Variants in RASA2 observed in about 807,000 individuals in gnomAD.
RASA2 encodes the protein RAS p21 protein activator 2.
A neutral mutation model predicts 118.2 loss-of-function variants in RASA2; 155 were observed. The observed-to-expected ratio is 1.31, with a 90% CI of 1.15 to 1.50. The LOEUF is 1.50. Ranked by LOEUF, RASA2 falls within the 40% of genes most tolerant of loss-of-function variation. The pLI, the probability that RASA2 is intolerant of heterozygous loss-of-function variation, is 0.00. For synonymous variants in RASA2, 353 were observed against 349.1 expected, an observed-to-expected ratio of 1.01 and a Z score of -0.12; for missense variants, 1,016 against 1,009.6, an observed-to-expected ratio of 1.01 and a Z score of -0.09.
intron 6 of RASA2, among the ~76,000 whole-genome samples, chr3:141,555,004 G>A (rs1301658373): frequency 2.6e-5 from 4 of 152,154 alleles, no homozygotes; most frequent in African/African-American, 9.7e-5. Context: ...GCTCACGCCT[G>A]TAATCCCAGC....
intron 19 of RASA2, among the ~76,000 whole-genome samples, chr3:141,589,205 A>G (rs774433075): frequency 6.6e-5 from 10 of 152,212 alleles, no homozygotes; most frequent in Non-Finnish European, 1.5e-4. Context: ...TGAATACTAT[A>G]TAAATGTTCT....
chr3:141,523,955 A>T (rs1258180319), intron 3 of RASA2, among the ~76,000 whole-genome samples: 2 of 152,228 alleles, frequency 1.3e-5, no homozygotes, highest in Non-Finnish European at 2.9e-5. Flanking sequence ...TTCTGCTGAC[A>T]TTTAGCTTTT....
chr3:141,502,422 T>C (rs1385592711), intron 1 of RASA2, among the ~76,000 whole-genome samples: 1 of 152,130 alleles, frequency 6.6e-6, no homozygotes, highest in Non-Finnish European at 1.5e-5. Flanking sequence ...GCATTTTAGG[T>C]TCTCTGTTTG....
chr3:141,546,541 T>C (rs1484958100), intron 5 of RASA2, among the ~76,000 whole-genome samples: 1 of 152,238 alleles, frequency 6.6e-6, no homozygotes, highest in Non-Finnish European at 1.5e-5. Context: ...CAGATTATTA[T>C]ATTCTTTTCC....
At chr3:141,549,480 TGTGC>T (rs900411271) in intron 5 of RASA2, among the ~76,000 whole-genome samples, 1 of 135,628 alleles carries the variant, frequency 7.4e-6, no homozygotes, top group African/African-American at 2.8e-5. Context: ...TGAGTGTGTG[TGTGC>T]GTGTGTGTGT....
intron 14 of RASA2, among the ~76,000 whole-genome samples, chr3:141,574,685 A>G (rs1425388510): frequency 6.6e-6 from 1 of 152,220 alleles, no homozygotes; most frequent in Non-Finnish European, 1.5e-5. Flanking sequence ...ATAAGTAAGC[A>G]CTTATACCAG....
intron 19 of RASA2, among the ~76,000 whole-genome samples, chr3:141,596,532 A>G (rs2083370601): frequency 1.3e-5 from 2 of 152,234 alleles, no homozygotes; most frequent in Admixed American, 1.3e-4. Context: ...GACCATTAAG[A>G]AAATGAAAAG....
At position 141,506,376 on chromosome 3, in the gene RASA2, C is replaced by T. The variant is rs138710859; in HGVS notation, c.134-5787C>T. ...TCTGCTTTTGCATATTGCAGGACTC[C>T]GCATGCACAGAATTTTTGAAATGAG... On this transcript the variant is annotated intron_variant, in intron 1 of 23. Coordinates refer to ENST00000286364, the MANE Select transcript of RASA2 (RefSeq NM_006506.5). 1.2e-4 allele frequency among the ~76,000 whole-genome samples: 19 copies of T among 152,270 alleles called. No homozygotes were observed. The South Asian group carries it at 1.5e-3, about 12-fold the overall frequency.
rs1384554972 is a variant in RASA2, at chr3:141,487,171, G to T, written c.88G>T (p.Asp30Tyr). The T allele has an allele frequency of 6.8e-7, 1 of 1,468,114 alleles. No homozygotes were observed. Among genetic ancestry groups the T allele is most frequent in the Admixed American group, 2.2e-5 (1 of 45,204 alleles). The allele number at this position is 1,468,114 out of a possible 1,614,324, so 90.9% of individuals were successfully genotyped here. A position where few individuals can be genotyped will look rare whatever the true frequency, so the allele number is the denominator to read the frequency against. Residue 30 changes from aspartate to tyrosine, a missense_variant, in exon 1 of 24, where the codon GAC becomes TAC. Physicochemically the swap from Asp to Tyr is radical, Grantham distance 160. Transcript: ENST00000286364. ...ATAEPEAGDQ[D>Y]SREVRVLQSL... ...TGCAGAGCCCGAGGCCGGGGACCAG[G>T]ACAGTCGCGAGGTTCGAGTGTTGCA...
intron 1 of RASA2, among the ~76,000 whole-genome samples, chr3:141,495,956 A>C (rs905767959): frequency 3.9e-5 from 6 of 152,264 alleles, no homozygotes; most frequent in Admixed American, 2.6e-4. Flanking sequence ...TAATATGTGT[A>C]GTATCCTGTG....
At chr3:141,597,698 A>T (rs1436096853) in intron 19 of RASA2, among the ~76,000 whole-genome samples, 2 of 152,212 alleles carry the variant, frequency 1.3e-5, no homozygotes, top group African/African-American at 4.8e-5. Flanking sequence ...AAAATGAGAA[A>T]ATAAACCTAA....
At chr3:141,610,332 A>G (rs2083619025) in intron 23 of RASA2, among the ~76,000 whole-genome samples, 2 of 137,942 alleles carry the variant, frequency 1.4e-5, no homozygotes, top group African/African-American at 5.3e-5. Flanking sequence ...GTATATAAAT[A>G]TATATTTTAT....
intron 1 of RASA2, among the ~76,000 whole-genome samples, chr3:141,491,593 A>G (rs569598498): frequency 6.6e-6 from 1 of 152,188 alleles, no homozygotes; most frequent in African/African-American, 2.4e-5. Context: ...TATAAATTAT[A>G]TACCTAAAAA....
chr3:141,586,623 G>A, intron 18 of RASA2, 23 bp from the exon 19 acceptor site: 1 of 1,499,720 alleles, frequency 6.7e-7, no homozygotes. Context: ...ATAGCTAAAT[G>A]TTTACATCTG....
At position 141,608,851 on chromosome 3, in the gene RASA2, C is replaced by G. The variant is rs75324787; in HGVS notation, c.2225+154C>G. On this transcript the variant is annotated intron_variant, in intron 21 of 23. Transcript: ENST00000286364. Reference sequence around the variant, plus strand: ...ATTATGCTAAGTGAAAGAAGTCAATCATAAAGGCCACGTATTATCTGATAA... The same window carrying G: ...ATTATGCTAAGTGAAAGAAGTCAATGATAAAGGCCACGTATTATCTGATAA... Among the ~76,000 whole-genome samples, 1,466 of 152,234 alleles carry G rather than the reference C, an allele frequency of 9.6e-3. 31 individuals carry two copies. The highest frequency in any genetic ancestry group is 0.034 in the African/African-American group (1,416 of 41,532).
chr3:141,589,617 C>T (rs184503203), intron 19 of RASA2, among the ~76,000 whole-genome samples: 1 of 151,924 alleles, frequency 6.6e-6, no homozygotes, highest in Non-Finnish European at 1.5e-5. Context: ...CTGAGGCAGG[C>T]GGATCATGAG....
At chr3:141,522,468 G>A (rs1407288043) in intron 3 of RASA2, among the ~76,000 whole-genome samples, 1 of 152,108 alleles carries the variant, frequency 6.6e-6, no homozygotes, top group African/African-American at 2.4e-5. Flanking sequence ...CATAGGCGTG[G>A]GGCTGGTGCT....
rs186067272 is a variant in RASA2 at position 141,559,979 on chromosome 3, T to G, written c.847T>G (p.Ser283Ala). ...KVPVNVLRTD[S>A]SHQAWYLLQP... The stretch of plus-strand genomic sequence containing the variant: ...TCCTGTGAACGTATTAAGAACTGAT[T>G]CCTCTCATCAAGCCTGGTAAGGGCC... The change falls in exon 9 of 24, where the codon TCC becomes GCC. Residue 283 changes from serine to alanine, a missense_variant. Around this residue, in one of 2 missense-constraint regions of RASA2, gnomAD observed 896 missense variants for 836.4 expected, o/e 1.07. Transcript: ENST00000286364. The G allele has an allele frequency of 6.2e-6, 10 of 1,612,928 alleles. No homozygotes were observed. The East Asian group carries it at 1.3e-4, about 22-fold the overall frequency.
rs1577706926 is a variant in RASA2 at position 141,541,487 on chromosome 3, A to C, written c.527+878A>C. ...AGAAGATTGCATATGTATGACTCTTAATATATCAGTATGTATTTCCTAAGA... is the reference window on the plus strand; with the variant it reads ...AGAAGATTGCATATGTATGACTCTTCATATATCAGTATGTATTTCCTAAGA... On this transcript the variant is annotated intron_variant, in intron 5 of 23. Transcript: ENST00000286364. Among the ~76,000 whole-genome samples, 6 of 152,202 alleles carry C rather than the reference A, an allele frequency of 3.9e-5. No homozygotes were observed. In the South Asian group the frequency reaches 1.2e-3, roughly 32 times the overall value.
Sources: allele counts gnomAD v4.1 joint callset (sites outside exome capture counted in the v4.1 genomes callset), GRCh38; gene constraint gnomAD v4.1.1; regional missense constraint gnomAD v4.1.1; transcripts MANE v1.5; gene names NCBI Gene and HGNC (gene_info 2026-07-23, HGNC 2026-07-21).